Variants in GFI1B observed in about 807,000 individuals in gnomAD.
GFI1B encodes growth factor independent 1B transcriptional repressor, also known as zinc finger protein Gfi-1b.
GFI1B carries 20 observed loss-of-function variants against 35.3 expected under a neutral mutation model. The ratio of observed to expected loss-of-function variants is 0.57; its 90% CI spans 0.40 to 0.82. The LOEUF is 0.82. Among genes scored for constraint, GFI1B ranks in the 40% least tolerant of loss-of-function variants. The pLI is 0.00. For synonymous variants in GFI1B, 178 were observed against 177.6 expected (o/e 1.00, Z -0.02); for missense variants, 430 against 446.3 (o/e 0.96, Z 0.33).
intron 1 of GFI1B, among the ~76,000 whole-genome samples, chr9:132,982,919 A>G (rs935640325): frequency 6.6e-6 from 1 of 151,960 alleles, no homozygotes; most frequent in Non-Finnish European, 1.5e-5. Context: ...AGGCTGGAGA[A>G]CCCCAGAAGC....
intron 1 of GFI1B, among the ~76,000 whole-genome samples, chr9:132,965,189 C>T (rs1473945884): frequency 6.6e-6 from 1 of 152,182 alleles, no homozygotes; most frequent in Non-Finnish European, 1.5e-5. Flanking sequence ...AGCTTAGAGG[C>T]AGGTGCCCAG....
At chr9:132,981,059 C>T (rs1246784794) in intron 1 of GFI1B, among the ~76,000 whole-genome samples, 4 of 152,178 alleles carry the variant, frequency 2.6e-5, no homozygotes, top group Non-Finnish European at 4.4e-5. Context: ...CCATGCCTGG[C>T]TGATTTTTGT....
At chr9:132,980,925 G>T (rs1396374613) in intron 1 of GFI1B, among the ~76,000 whole-genome samples, 1 of 146,028 alleles carries the variant, frequency 6.8e-6, no homozygotes, top group East Asian at 2.3e-4. Context: ...GTTTGAGACA[G>T]AGTCTCTGTC....
Position 132,964,770 on chromosome 9 carries a change from T to C in GFI1B, c.-700-7955T>C, listed in dbSNP as rs1262302814. On this transcript the variant is annotated intron_variant, in intron 1 of 10. Coordinates refer to the GFI1B transcript ENST00000339463. Reference sequence around the variant, plus strand: ...TTTTTTTTTTTTTTTTTTTTTTTTTTTGATGGAGTTCCAGGCTGGAGTGCA... The same window carrying C: ...TTTTTTTTTTTTTTTTTTTTTTTTTCTGATGGAGTTCCAGGCTGGAGTGCA... Among the ~76,000 whole-genome samples the C allele has an allele frequency of 5.4e-5, 6 of 110,566 alleles. No individual in the cohort carries two copies. In the East Asian group the frequency reaches 9.2e-4, roughly 17 times the overall value. 72.5% of individuals were successfully genotyped at this position (110,566 alleles called of 152,430 possible).
chr9:132,989,294 C>G lies in GFI1B; in HGVS notation c.648+96C>G. The G allele has an allele frequency of 1.6e-6, 2 of 1,241,068 alleles. No homozygotes were observed. The highest frequency in any genetic ancestry group is 2.3e-6 in the Non-Finnish European group (2 of 860,368). The allele number at this position is 1,241,068 out of a possible 1,614,324, so 76.9% of individuals were successfully genotyped here. ...CTGTGGCTGGGTCCCTCCCCCTGCC[C>G]CTGGGGGTGACACAGATTGGGAGGG... is the stretch of plus-strand genomic sequence containing the variant. On this transcript the variant is annotated intron_variant, in intron 5 of 6. Coordinates refer to ENST00000372122, the MANE Select transcript of GFI1B (RefSeq NM_001377304.1). This position sits in a 1 kb window ranked among gnomAD's most constrained non-coding sequence, Gnocchi z 6.2.
Position 132,973,433 on chromosome 9 carries a change from C to T in GFI1B, c.-679+687C>T, listed in dbSNP as rs117886075. On this transcript the variant is annotated intron_variant, in intron 2 of 10. Transcript: ENST00000339463. ...CCAGCGTGTGTGCTGAGGCCCGGCC[C>T]ACGCCCGTTGTCCACAGACAGAGGA... 7.7e-4 allele frequency among the ~76,000 whole-genome samples: 117 copies of T among 152,352 alleles called. 1 individual carries two copies. In the East Asian group the frequency reaches 0.02, roughly 26 times the overall value.
At chr9:132,958,459 AG>A (rs997418743) in intron 1 of GFI1B, among the ~76,000 whole-genome samples, 4 of 152,314 alleles carry the variant, frequency 2.6e-5, no homozygotes, top group Admixed American at 6.5e-5. Flanking sequence ...CGTCACATAG[AG>A]AAAGCAAGAG....
intron 1 of GFI1B, among the ~76,000 whole-genome samples, chr9:132,948,846 C>T (rs1848158696): frequency 6.6e-6 from 1 of 152,382 alleles, no homozygotes; most frequent in Non-Finnish European, 1.5e-5. Flanking sequence ...GCTGGTCATT[C>T]TCCGTTTGCC....
At position 132,989,209 on chromosome 9, in the gene GFI1B, G is replaced by C. The variant is rs756578802; in HGVS notation, c.648+11G>C. The C allele has an allele frequency of 2.5e-6, 4 of 1,610,318 alleles. No individual in the cohort carries two copies. The highest frequency in any genetic ancestry group is 3.4e-6 in the Non-Finnish European group (4 of 1,178,690). The stretch of plus-strand genomic sequence containing the variant: ...CACGTCCACTCCCAGGTGGGCACCT[G>C]GCCCAGCGCAGGACTCCCAGCCCCA... On this transcript the variant is annotated intron_variant, in intron 5 of 6. Transcript: ENST00000372122. This position sits in a 1 kb window ranked among gnomAD's most constrained non-coding sequence, Gnocchi z 6.2.
Position 132,970,377 on chromosome 9 carries a change from G to A in GFI1B, c.-700-2348G>A, listed in dbSNP as rs117783180. ...CTACTCGAAGGGGCTTGACTGGGGA[G>A]GTGAGGACCCACTGGGAGATTTGTA... On this transcript the variant is annotated intron_variant, in intron 1 of 10. Coordinates refer to the GFI1B transcript ENST00000339463. Among the ~76,000 whole-genome samples, 957 of 152,298 alleles carry A rather than the reference G, an allele frequency of 6.3e-3. 7 individuals carry two copies. The highest frequency in any genetic ancestry group is 0.017 in the Middle Eastern group (5 of 294).
intron 1 of GFI1B, among the ~76,000 whole-genome samples, chr9:132,970,150 C>T (rs775131039): frequency 6.6e-6 from 1 of 152,150 alleles, no homozygotes; most frequent in Non-Finnish European, 1.5e-5. Context: ...TGCACATTCT[C>T]TGAAGTCTTC....
At chr9:132,993,354 G>C (rs150419655), downstream of GFI1B, among the ~76,000 whole-genome samples, 107 of 152,178 alleles carry the variant, frequency 7.0e-4, no homozygotes, top group Admixed American at 3.1e-3. Flanking sequence ...GTGTGCTCAG[G>C]TGCCTTCCTC....
chr9:132,990,804 G>A, intron 6 of GFI1B, 68 bp from the exon 7 acceptor site: 2 of 1,456,672 alleles, frequency 1.4e-6, no homozygotes, highest in Non-Finnish European at 1.9e-6. Flanking sequence ...GGGCAGGGCA[G>A]GGGAGCAGCA....
At position 132,988,268 on chromosome 9, in the gene GFI1B, C is replaced by G. The variant is rs372809223; in HGVS notation, c.310C>G (p.Pro104Ala). ...PLSDSPPFYK[P>A]SFSWDTLATT... is the part of the protein sequence containing the mutation. ...GTCCGACTCACCCCCATTCTACAAGCCTAGCTTCTCCTGGGACACCTTGGC... is the reference window on the plus strand; with the variant it reads ...GTCCGACTCACCCCCATTCTACAAGGCTAGCTTCTCCTGGGACACCTTGGC... Residue 104 changes from proline (P) to alanine (A), a missense_variant, in exon 4 of 7, where the codon CCT (proline) becomes GCT (alanine). Coordinates refer to ENST00000372122, the MANE Select transcript of GFI1B (RefSeq NM_001377304.1). The G allele has an allele frequency of 1.2e-6, 2 of 1,613,928 alleles. No homozygotes were observed. Among genetic ancestry groups the G allele is most frequent in the African/African-American group, 1.3e-5 (1 of 74,928 alleles).
intron 1 of GFI1B, among the ~76,000 whole-genome samples, chr9:132,966,585 C>T (rs1348124937): frequency 6.6e-6 from 1 of 152,162 alleles, no homozygotes; most frequent in African/African-American, 2.4e-5. Flanking sequence ...TTTGAAGCCA[C>T]CAGTGATGTA....
intron 1 of GFI1B, among the ~76,000 whole-genome samples, chr9:132,980,017 C>G (rs1032510141): frequency 2.6e-5 from 4 of 152,204 alleles, no homozygotes; most frequent in African/African-American, 9.6e-5. Context: ...AGCAAAGTGT[C>G]AAGTTTCTTG....
At chr9:132,976,051 T>C (rs938412908), upstream of GFI1B, among the ~76,000 whole-genome samples, 1 of 152,178 alleles carries the variant, frequency 6.6e-6, no homozygotes, top group Non-Finnish European at 1.5e-5. Context: ...GGGAAGGCTG[T>C]CCCTGTGTCA....
chr9:132,968,436 T>C lies in GFI1B; in HGVS notation c.-700-4289T>C, dbSNP rs180837976. ...TATGCCTGGGCTGCAATATATGTAT[T>C]TTTAACATTTTATTAAAGTAAAATA... On this transcript the variant is annotated intron_variant, in intron 1 of 10. Transcript: ENST00000339463. Among the ~76,000 whole-genome samples, 33 of 152,292 alleles carry C rather than the reference T, an allele frequency of 2.2e-4. No individual in the cohort carries two copies. The East Asian group carries it at 6.4e-3, about 29-fold the overall frequency.
rs527774098 is a variant in GFI1B at position 132,947,171 on chromosome 9, T to G, written c.-701+1502T>G. 179 of 152,280 alleles carry G rather than the reference T, an allele frequency of 1.2e-3. 1 individual carries two copies. Among genetic ancestry groups the G allele is most frequent in the African/African-American group, 4.2e-3 (173 of 41,542 alleles). 9.4% of individuals were successfully genotyped at this position (152,280 alleles called of 1,614,324 possible). Reference sequence around the variant, plus strand: ...GGGCTGAGCCCTCCATAGGCGGGCGTGCTGACAGGATGCACGTGGTGGAGG... The same window carrying G: ...GGGCTGAGCCCTCCATAGGCGGGCGGGCTGACAGGATGCACGTGGTGGAGG... On this transcript the variant is annotated intron_variant, in intron 1 of 10. Coordinates refer to the GFI1B transcript ENST00000339463.
Sources: allele counts gnomAD v4.1 joint callset (sites outside exome capture counted in the v4.1 genomes callset), GRCh38; gene constraint gnomAD v4.1.1; non-coding constraint Gnocchi (gnomAD v3.1); transcripts MANE v1.5; gene names NCBI Gene and HGNC (gene_info 2026-07-23, HGNC 2026-07-21).